The following S100Z variants were observed in gnomAD, a reference collection of about 807,000 sequenced individuals.
The protein encoded by S100Z is S100 calcium binding protein Z, also known as protein S100-Z.
In S100Z, 11 loss-of-function variants were observed where a neutral mutation model predicts 8.5. That is an observed-to-expected ratio of 1.30 (90% CI 0.82 to 2.15). S100Z has a LOEUF of 2.15. Ranked by LOEUF, S100Z falls within the 30% of genes most tolerant of loss-of-function variation. S100Z has a pLI of 0.00. For missense variants in S100Z, 126 were observed against 117.9 expected (o/e 1.07, Z -0.32); for synonymous variants, 34 against 43.8 (o/e 0.78, Z 0.89).
At chr5:76,918,766 T>A (rs1365073780) in intron 4 of S100Z, among the ~76,000 whole-genome samples, 1 of 152,234 alleles carries the variant, frequency 6.6e-6, no homozygotes, top group Admixed American at 6.5e-5. Flanking sequence ...TTTTGACAAA[T>A]GCATAGTGAC....
the S100Z span, among the ~76,000 whole-genome samples, chr5:76,944,819 C>T: frequency 1.8e-4 from 27 of 152,262 alleles, no homozygotes; most frequent in African/African-American, 4.8e-4. Flanking sequence ...CACTATTTAA[C>T]GACAGACACA....
chr5:76,943,872 TG>T, the S100Z span, among the ~76,000 whole-genome samples: 1 of 152,180 alleles, frequency 6.6e-6, no homozygotes, highest in East Asian at 1.9e-4. Flanking sequence ...GAAACCAGAA[TG>T]GGGCCCGAGG....
intron 4 of S100Z, among the ~76,000 whole-genome samples, chr5:76,890,252 G>A (rs1008395215): frequency 6.6e-6 from 1 of 152,170 alleles, no homozygotes; most frequent in African/African-American, 2.4e-5. Flanking sequence ...TTGAACTCCT[G>A]ACCTCAGGGA....
chr5:76,910,451 C>G (rs1744610927), intron 4 of S100Z, among the ~76,000 whole-genome samples: 1 of 152,180 alleles, frequency 6.6e-6, no homozygotes, highest in Non-Finnish European at 1.5e-5. Context: ...GGCCCTCACA[C>G]AAACAAACCT....
intron 3 of S100Z, among the ~76,000 whole-genome samples, chr5:76,877,076 A>C (rs1368983243): frequency 6.6e-6 from 1 of 152,174 alleles, no homozygotes; most frequent in African/African-American, 2.4e-5. Flanking sequence ...TGTGTCCTAT[A>C]CAATACTTGA....
At chr5:76,871,126 AC>A (rs1742996243) in intron 2 of S100Z, among the ~76,000 whole-genome samples, 1 of 152,020 alleles carries the variant, frequency 6.6e-6, no homozygotes, top group African/African-American at 2.4e-5. Context: ...CCAAATTCCA[AC>A]CTCACTCTGG....
intron 4 of S100Z, among the ~76,000 whole-genome samples, chr5:76,895,294 A>G (rs1743997657): frequency 6.6e-6 from 1 of 152,200 alleles, no homozygotes; most frequent in Non-Finnish European, 1.5e-5. Context: ...TTGCCCCTTC[A>G]TGGAAAGAGA....
chr5:76,865,240 CT>C (rs140953492), intron 1 of S100Z, among the ~76,000 whole-genome samples: 1,618 of 100,596 alleles, frequency 0.016, 16 homozygotes, highest in African/African-American at 0.05. Flanking sequence ...TGTCCTAGCT[CT>C]TTTTTTTTTT....
At chr5:76,860,761 T>G (rs1751031735) in intron 1 of S100Z, among the ~76,000 whole-genome samples, 1 of 152,220 alleles carries the variant, frequency 6.6e-6, no homozygotes, top group Non-Finnish European at 1.5e-5. Flanking sequence ...TCATTGTTAC[T>G]TCCCATAAAT....
At chr5:76,926,967 T>C in the S100Z span, among the ~76,000 whole-genome samples, 6 of 152,230 alleles carry the variant, frequency 3.9e-5, no homozygotes, top group Non-Finnish European at 5.9e-5. Flanking sequence ...GAACTCTTTA[T>C]CTCTTAAGAC....
intron 4 of S100Z, among the ~76,000 whole-genome samples, chr5:76,886,984 G>T (rs1480799004): frequency 6.6e-6 from 1 of 152,164 alleles, no homozygotes; most frequent in African/African-American, 2.4e-5. Context: ...GGTCACAGGG[G>T]ATATGATGGC....
At chr5:76,950,115 GTTCTATT>G in the S100Z span, among the ~76,000 whole-genome samples, 1 of 152,176 alleles carries the variant, frequency 6.6e-6, no homozygotes, top group African/African-American at 2.4e-5. Flanking sequence ...GCAATGATAT[GTTCTATT>G]TTCTAACATT....
chr5:76,883,987 C>T (rs1038758378), intron 4 of S100Z, among the ~76,000 whole-genome samples: 1 of 151,122 alleles, frequency 6.6e-6, no homozygotes, highest in Non-Finnish European at 1.5e-5. Context: ...TACATTGCTA[C>T]TTGGCTGCCT....
At chr5:76,908,814 C>T (rs1744545804) in intron 4 of S100Z, among the ~76,000 whole-genome samples, 1 of 152,166 alleles carries the variant, frequency 6.6e-6, no homozygotes, top group Admixed American at 6.6e-5. Context: ...CTTTATAGGA[C>T]AGGCGTAAAG....
intron 4 of S100Z, among the ~76,000 whole-genome samples, chr5:76,898,660 T>G (rs748694577): frequency 2.6e-5 from 4 of 152,240 alleles, no homozygotes; most frequent in Non-Finnish European, 5.9e-5. Flanking sequence ...CATTTAGTCA[T>G]GATGAGTGAT....
At chr5:76,907,028 A>T (rs955152044) in intron 4 of S100Z, among the ~76,000 whole-genome samples, 2 of 136,298 alleles carry the variant, frequency 1.5e-5, no homozygotes, top group Admixed American at 1.5e-4. Context: ...ATATATACAT[A>T]TATATATACC....
chr5:76,852,353 C>T (rs1230964243), intron 1 of S100Z, among the ~76,000 whole-genome samples: 1 of 152,128 alleles, frequency 6.6e-6, no homozygotes, highest in East Asian at 1.9e-4. Context: ...GCCGTGGAAG[C>T]AGGCTGATGC....
intron 4 of S100Z, among the ~76,000 whole-genome samples, chr5:76,889,688 T>G (rs111786481): frequency 0.011 from 1,606 of 152,356 alleles, 12 homozygotes; most frequent in Non-Finnish European, 0.016. Context: ...AAGTAAGAAT[T>G]ACATGATGTA....
chr5:76,865,431 G>A (rs1751239381), intron 1 of S100Z, among the ~76,000 whole-genome samples: 1 of 151,232 alleles, frequency 6.6e-6, no homozygotes, highest in East Asian at 2.0e-4. Flanking sequence ...ATTTTTAGTA[G>A]AGACAGGATT....
Sources: allele counts gnomAD v4.1 joint callset (sites outside exome capture counted in the v4.1 genomes callset), GRCh38; gene constraint gnomAD v4.1.1; transcripts MANE v1.5; gene names NCBI Gene and HGNC (gene_info 2026-07-23, HGNC 2026-07-21).